The following PGM5 variants were observed in gnomAD, a reference collection of about 807,000 sequenced individuals.
PGM5 encodes the protein phosphoglucomutase-like protein 5.
A neutral mutation model predicts 59.2 loss-of-function variants in PGM5; 23 were observed. The observed-to-expected ratio is 0.39, with a 90% CI of 0.28 to 0.55. PGM5 has a LOEUF of 0.55. Ranked by LOEUF, PGM5 falls within the 20% of genes least tolerant of loss-of-function variation. PGM5 has a pLI of 0.66. For missense variants in PGM5, 574 were observed against 748.3 expected (o/e 0.77, Z 2.72); for synonymous variants, 214 against 286.0 (o/e 0.75, Z 2.54).
chr9:68,368,144 T>C (rs1834714953), intron 1 of PGM5, among the ~76,000 whole-genome samples: 2 of 151,482 alleles, frequency 1.3e-5, no homozygotes, highest in African/African-American at 4.9e-5. Context: ...CTTTTCTGGA[T>C]ATATTTAACA....
intron 6 of PGM5, among the ~76,000 whole-genome samples, chr9:68,442,221 G>A (rs573604771): frequency 1.3e-5 from 2 of 152,262 alleles, no homozygotes; most frequent in South Asian, 2.1e-4. Context: ...ATATTGAAAG[G>A]CAAAGGAACT....
In PGM5 at chr9:68,517,481, T is replaced by G. The variant is rs190198844; in HGVS notation, c.1615-12086T>G. Among the ~76,000 whole-genome samples the G allele has an allele frequency of 8.3e-4, 126 of 152,358 alleles. 1 individual carries two copies. The highest frequency in any genetic ancestry group is 2.8e-3 in the African/African-American group (118 of 41,588). On this transcript the variant is annotated intron_variant, in intron 10 of 10. Transcript: ENST00000396396. ...AATTATTTCACTGCCTCTAGTGTAC[T>G]ATTGCTTGTTCAGTGGTAGCAAATT... is the stretch of plus-strand genomic sequence containing the variant.
intron 9 of PGM5, among the ~76,000 whole-genome samples, chr9:68,485,036 C>A (rs1824272592): frequency 1.3e-5 from 2 of 152,194 alleles, no homozygotes; most frequent in African/African-American, 2.4e-5. Context: ...GGAAACCATT[C>A]CTTCAAGGGA....
At chr9:68,459,449 CAT>C (rs1326476944) in intron 6 of PGM5, among the ~76,000 whole-genome samples, 1 of 152,162 alleles carries the variant, frequency 6.6e-6, no homozygotes, top group Non-Finnish European at 1.5e-5. Flanking sequence ...TAAATGAAAT[CAT>C]AGAGTGTATA....
At chr9:68,445,674 A>G (rs1054242222) in intron 6 of PGM5, among the ~76,000 whole-genome samples, 7 of 152,208 alleles carry the variant, frequency 4.6e-5, no homozygotes, top group Admixed American at 1.3e-4. Flanking sequence ...AGTTTTCCTT[A>G]TTGTTCTGAT....
At chr9:68,434,224 G>C (rs569222047) in intron 6 of PGM5, among the ~76,000 whole-genome samples, 2 of 148,074 alleles carry the variant, frequency 1.4e-5, no homozygotes, top group African/African-American at 2.5e-5. Flanking sequence ...GGCTGAGCCA[G>C]GAAAATGGCT....
In PGM5 at chr9:68,415,549, T is replaced by C. The variant is rs1284670517; in HGVS notation, c.1043+23076T>C. ...TGACCTTGACCACAGGTAGGGAGCTTGCAGTTAGGGACAGGAGCCAACTTT... is the reference window on the plus strand; with the variant it reads ...TGACCTTGACCACAGGTAGGGAGCTCGCAGTTAGGGACAGGAGCCAACTTT... On this transcript the variant is annotated intron_variant, in intron 6 of 10. Transcript: ENST00000396396. 2.1e-5 allele frequency among the ~76,000 whole-genome samples: 3 copies of C among 141,290 alleles called. No individual in the cohort carries two copies. The East Asian group carries it at 6.0e-4, about 28-fold the overall frequency. 92.7% of individuals were successfully genotyped at this position (141,290 alleles called of 152,430 possible).
intron 6 of PGM5, among the ~76,000 whole-genome samples, chr9:68,425,988 G>A (rs1487250394): frequency 6.6e-6 from 1 of 152,132 alleles, no homozygotes; most frequent in Non-Finnish European, 1.5e-5. Context: ...TAGTGGTAGT[G>A]GTTGTTGATA....
intron 9 of PGM5, among the ~76,000 whole-genome samples, chr9:68,490,162 T>C (rs1430353236): frequency 2.0e-5 from 3 of 152,314 alleles, no homozygotes; most frequent in South Asian, 2.1e-4. Flanking sequence ...AATATGTACC[T>C]CGATGCAACA....
intron 10 of PGM5, among the ~76,000 whole-genome samples, chr9:68,516,032 C>A (rs564061682): frequency 6.6e-6 from 1 of 152,322 alleles, no homozygotes; most frequent in East Asian, 1.9e-4. Context: ...CAATCCAATG[C>A]TATAGGTAGT....
At chr9:68,376,560 C>T (rs868916199) in intron 1 of PGM5, among the ~76,000 whole-genome samples, 11 of 150,726 alleles carry the variant, frequency 7.3e-5, no homozygotes, top group Non-Finnish European at 1.2e-4. Flanking sequence ...CCCCTGATCT[C>T]GCTGATTGTT....
chr9:68,437,400 G>A lies in PGM5; in HGVS notation c.1044-27693G>A, dbSNP rs1823456798. On this transcript the variant is annotated intron_variant, in intron 6 of 10. Coordinates refer to ENST00000396396, the MANE Select transcript of PGM5 (RefSeq NM_021965.4). This position sits in a 1 kb window ranked among gnomAD's most constrained non-coding sequence, Gnocchi z 4.1. ...GGAAGGAATTTACAGTAAAGCCTCAGGGAGCCCAATGCTTAGGCAACAGTC... is the reference window on the plus strand; with the variant it reads ...GGAAGGAATTTACAGTAAAGCCTCAAGGAGCCCAATGCTTAGGCAACAGTC... Among the ~76,000 whole-genome samples, 1 of 152,200 alleles carries A rather than the reference G, an allele frequency of 6.6e-6. No individual in the cohort carries two copies. The highest frequency in any genetic ancestry group is 6.5e-5 in the Admixed American group (1 of 15,276).
Position 68,357,204 on chromosome 9 carries a change from G to A in PGM5, c.77G>A (p.Gly26Asp), listed in dbSNP as rs1304533627. The A allele has an allele frequency of 8.4e-6, 13 of 1,540,172 alleles. No individual in the cohort carries two copies. The Admixed American group carries it at 1.8e-4, about 21-fold the overall frequency. The part of the protein sequence containing the change: ...YEDQRPAGGG[G>D]LRRPTGLFEG... Reference sequence around the variant, plus strand: ...GACCAGCGGCCGGCCGGCGGCGGGGGTCTGCGGCGACCCACCGGCCTCTTC... The same window carrying A: ...GACCAGCGGCCGGCCGGCGGCGGGGATCTGCGGCGACCCACCGGCCTCTTC... The change falls in exon 1 of 11, where the codon GGT (glycine) becomes GAT (aspartate). Residue 26 changes from glycine to aspartate, a missense_variant. Transcript: ENST00000396396.
rs551020914 is a variant in PGM5 at position 68,391,684 on chromosome 9, G to A, written c.848G>A (p.Gly283Glu). The A allele has an allele frequency of 1.2e-6, 2 of 1,613,174 alleles. No homozygotes were observed. The highest frequency in any genetic ancestry group is 2.7e-5 in the African/African-American group (2 of 74,942). The stretch of plus-strand genomic sequence containing the variant: ...ACGACTCTTCTGGAAGCAATGAAAG[G>A]AGGAGAATATGGATTTGGAGCTGCA... Reference protein sequence around the residue: ...YATTLLEAMKGGEYGFGAAFD... With the variant: ...YATTLLEAMKEGEYGFGAAFD... Residue 283 changes from glycine to glutamate, a missense_variant, in exon 5 of 11, where the codon GGA (glycine) becomes GAA (glutamate). Transcript: ENST00000396396.
chr9:68,370,266 ATTTTC>A (rs1316095425), intron 1 of PGM5, among the ~76,000 whole-genome samples: 2 of 152,084 alleles, frequency 1.3e-5, no homozygotes, highest in South Asian at 2.1e-4. Context: ...GTCATGCTTA[ATTTTC>A]TTTTCTTTTT....
rs1422939348 is a variant in PGM5 at position 68,529,171 on chromosome 9, G to GTGTA, written c.1615-393_1615-392insATGT. Among the ~76,000 whole-genome samples, 3 of 135,832 alleles carry GTGTA rather than the reference G, an allele frequency of 2.2e-5. No individual in the cohort carries two copies. In the East Asian group the frequency reaches 6.3e-4, roughly 28 times the overall value. 89.1% of individuals were successfully genotyped at this position (135,832 alleles called of 152,430 possible). On this transcript the variant is annotated intron_variant, in intron 10 of 10. Coordinates refer to ENST00000396396, the MANE Select transcript of PGM5 (RefSeq NM_021965.4). ...AGAATGAGCTTTTATTCTCGTGTGT[G>GTGTA]TGTGTGTGTGTGTGTGTGTGTGTGT...
intron 7 of PGM5, among the ~76,000 whole-genome samples, chr9:68,469,509 C>T (rs1823989249): frequency 6.6e-6 from 1 of 152,222 alleles, no homozygotes; most frequent in South Asian, 2.1e-4. Flanking sequence ...GAAGTACAGC[C>T]TGGTGCTCTT....
chr9:68,389,426 C>A (rs545662239), intron 4 of PGM5, among the ~76,000 whole-genome samples: 19 of 152,178 alleles, frequency 1.2e-4, no homozygotes, highest in Admixed American at 3.3e-4. Flanking sequence ...CAGCCCCTGG[C>A]AACCACTCAT....
At chr9:68,442,199 G>T (rs1406210121) in intron 6 of PGM5, among the ~76,000 whole-genome samples, 1 of 152,094 alleles carries the variant, frequency 6.6e-6, no homozygotes, top group African/African-American at 2.4e-5. Context: ...TAAACAAACT[G>T]GTTCTAAATT....
Sources: gnomAD v4.1 joint callset for allele counts (sites outside exome capture counted in the v4.1 genomes callset) on GRCh38, gnomAD v4.1.1 for gene constraint, Gnocchi (gnomAD v3.1) non-coding constraint, MANE v1.5 for transcripts, NCBI Gene and HGNC (gene_info 2026-07-23, HGNC 2026-07-21) for gene names.